B3GALT1: variants seen among roughly 807,000 people sequenced by gnomAD.
B3GALT1 encodes the protein beta-1,3-galactosyltransferase 1.
A neutral mutation model predicts 23.2 loss-of-function variants in B3GALT1; 10 were observed. That is an observed-to-expected ratio of 0.43 (90% CI 0.27 to 0.73). The LOEUF (loss-of-function observed/expected upper bound fraction) is 0.73. B3GALT1 is among the 30% of genes least tolerant of loss of function. B3GALT1 has a pLI of 0.21. For synonymous variants in B3GALT1, 156 were observed against 141.5 expected (o/e 1.10, Z -0.73); for missense variants, 299 against 405.4 (o/e 0.74, Z 2.25).
chr2:167,800,242 G>A (rs764272806), intron 3 of B3GALT1, among the ~76,000 whole-genome samples: 2 of 152,146 alleles, frequency 1.3e-5, no homozygotes, highest in Non-Finnish European at 2.9e-5. Flanking sequence ...CCCCAGAGGA[G>A]AAACATGGAA....
chr2:167,826,043 G>T (rs1038339291), intron 4 of B3GALT1, among the ~76,000 whole-genome samples: 2 of 152,090 alleles, frequency 1.3e-5, no homozygotes, highest in African/African-American at 4.8e-5. Flanking sequence ...AGTAGAGATT[G>T]GTGCCATACA....
At chr2:167,507,068 A>G (rs2105351439) in intron 2 of B3GALT1, among the ~76,000 whole-genome samples, 1 of 152,338 alleles carries the variant, frequency 6.6e-6, no homozygotes, top group Admixed American at 6.5e-5. Flanking sequence ...AAACCGTAAA[A>G]CTGACATAAA....
intron 2 of B3GALT1, among the ~76,000 whole-genome samples, chr2:167,511,429 C>T (rs1430397129): frequency 7.2e-5 from 11 of 152,088 alleles, no homozygotes; most frequent in Non-Finnish European, 1.5e-4. Context: ...CCTGTCACCA[C>T]GTGAAGAAGG....
chr2:167,550,295 G>A (rs180807033), intron 2 of B3GALT1, among the ~76,000 whole-genome samples: 93 of 152,334 alleles, frequency 6.1e-4, no homozygotes, highest in Admixed American at 1.0e-3. Context: ...GTACTTGTGA[G>A]GGAAGTGGTG....
At chr2:167,681,068 C>T (rs899328485) in intron 3 of B3GALT1, among the ~76,000 whole-genome samples, 1 of 152,064 alleles carries the variant, frequency 6.6e-6, no homozygotes, top group Non-Finnish European at 1.5e-5. Context: ...AAGGCTGTGA[C>T]AAGGAGCTCT....
At chr2:167,316,661 G>A (rs1244793106) in intron 1 of B3GALT1, among the ~76,000 whole-genome samples, 1 of 152,058 alleles carries the variant, frequency 6.6e-6, no homozygotes, top group Admixed American at 6.5e-5. Flanking sequence ...TCCCCAAGAT[G>A]AGATAAGTCT....
chr2:167,428,268 G>T (rs943399862), intron 1 of B3GALT1, among the ~76,000 whole-genome samples: 4 of 152,208 alleles, frequency 2.6e-5, no homozygotes, highest in African/African-American at 4.8e-5. Context: ...TTTTGAATAA[G>T]AGCAAAACAT....
Position 167,726,671 on chromosome 2 carries a change from T to G in B3GALT1, c.-352+79705T>G, listed in dbSNP as rs138065002. 1.8e-3 allele frequency among the ~76,000 whole-genome samples: 272 copies of G among 152,340 alleles called. 3 individuals are homozygous for G. Among genetic ancestry groups the G allele is most frequent in the Middle Eastern group, 6.8e-3 (2 of 294 alleles). On this transcript the variant is annotated intron_variant, in intron 3 of 4. Transcript: ENST00000392690. ...GAGATAAAAATCATTATCCCCAGTT[T>G]ACAGTTGAGGGAATCAAGGCCCAGA...
intron 3 of B3GALT1, among the ~76,000 whole-genome samples, chr2:167,660,221 T>G (rs183912503): frequency 6.6e-6 from 1 of 152,062 alleles, no homozygotes; most frequent in African/African-American, 2.4e-5. Context: ...AACTAAAAAA[T>G]GCAAACCCTG....
At chr2:167,588,082 T>C (rs901573299) in intron 2 of B3GALT1, among the ~76,000 whole-genome samples, 2 of 152,190 alleles carry the variant, frequency 1.3e-5, no homozygotes, top group African/African-American at 4.8e-5. Flanking sequence ...ATTGCACCTC[T>C]TTAAACAGGT....
At chr2:167,569,378 A>C (rs1406770023) in intron 2 of B3GALT1, among the ~76,000 whole-genome samples, 1 of 151,866 alleles carries the variant, frequency 6.6e-6, no homozygotes, top group Admixed American at 6.6e-5. Flanking sequence ...TTTTTATTAG[A>C]GATTTTTAGA....
intron 4 of B3GALT1, among the ~76,000 whole-genome samples, chr2:167,845,216 C>T (rs971011841): frequency 2.6e-5 from 4 of 152,172 alleles, no homozygotes; most frequent in African/African-American, 9.7e-5. Flanking sequence ...CCCCACCCAC[C>T]ACCAGTTCCT....
intron 4 of B3GALT1, among the ~76,000 whole-genome samples, chr2:167,819,600 C>T (rs1689064466): frequency 6.6e-6 from 1 of 152,152 alleles, no homozygotes; most frequent in African/African-American, 2.4e-5. Flanking sequence ...GACTTTGGGC[C>T]ACTTACTTAA....
At chr2:167,352,249 G>T (rs1160101918) in intron 1 of B3GALT1, among the ~76,000 whole-genome samples, 1 of 139,426 alleles carries the variant, frequency 7.2e-6, no homozygotes, top group Non-Finnish European at 1.5e-5. Flanking sequence ...TTACAGGTGT[G>T]AGCCACCATG....
At chr2:167,708,110 G>A (rs1686992021) in intron 3 of B3GALT1, among the ~76,000 whole-genome samples, 1 of 152,160 alleles carries the variant, frequency 6.6e-6, no homozygotes, top group Non-Finnish European at 1.5e-5. Flanking sequence ...CACACATGGT[G>A]TCTCTGCTCT....
chr2:167,586,198 G>GA (rs1177259960), intron 2 of B3GALT1, among the ~76,000 whole-genome samples: 2 of 152,028 alleles, frequency 1.3e-5, no homozygotes, highest in Non-Finnish European at 2.9e-5. Context: ...TCTTTGTTTT[G>GA]AAAAAAATTC....
chr2:167,712,086 TA>T (rs1687071467), intron 3 of B3GALT1, among the ~76,000 whole-genome samples: 1 of 152,210 alleles, frequency 6.6e-6, no homozygotes, highest in African/African-American at 2.4e-5. Context: ...TTTCATTCCT[TA>T]CTTCTTTTAA....
chr2:167,623,497 A>G (rs540428987), intron 2 of B3GALT1, among the ~76,000 whole-genome samples: 1 of 152,170 alleles, frequency 6.6e-6, no homozygotes, highest in African/African-American at 2.4e-5. Flanking sequence ...CAAACTTACA[A>G]AAGAACAGAA....
At chr2:167,597,168 T>A (rs1205111914) in intron 2 of B3GALT1, among the ~76,000 whole-genome samples, 1 of 150,382 alleles carries the variant, frequency 6.6e-6, no homozygotes, top group Non-Finnish European at 1.5e-5. Flanking sequence ...CAGGCTGGAG[T>A]GCAGTGGCGG....
Sources: gnomAD v4.1 joint callset for allele counts (sites outside exome capture counted in the v4.1 genomes callset) on GRCh38, gnomAD v4.1.1 for gene constraint, MANE v1.5 for transcripts, NCBI Gene and HGNC (gene_info 2026-07-23, HGNC 2026-07-21) for gene names.